The following ACO2 variants were observed in gnomAD, a reference collection of about 807,000 sequenced individuals.
ACO2 encodes the protein aconitate hydratase, mitochondrial.
In ACO2, 31 loss-of-function variants were observed where a neutral mutation model predicts 84.5. The ratio of observed to expected loss-of-function variants is 0.37; its 90% CI spans 0.28 to 0.50. ACO2 has a LOEUF of 0.50. Ranked by LOEUF, ACO2 falls within the 20% of genes least tolerant of loss-of-function variation. The pLI, the probability that ACO2 is intolerant of heterozygous loss-of-function variation, is 0.97. For synonymous variants in ACO2, 414 were observed against 412.7 expected, an observed-to-expected ratio of 1.00 and a Z score of -0.04; for missense variants, 685 against 1,029.3, an observed-to-expected ratio of 0.67 and a Z score of 4.58.
intron 1 of ACO2, among the ~76,000 whole-genome samples, chr22:41,498,121 C>T (rs575563852): frequency 4.6e-5 from 7 of 151,880 alleles, no homozygotes; most frequent in Admixed American, 1.3e-4. Context: ...TCTAGCCTGG[C>T]GACAGAGCAA....
chr22:41,523,622 G>A (rs1342204013), intron 11 of ACO2, among the ~76,000 whole-genome samples: 4 of 152,202 alleles, frequency 2.6e-5, no homozygotes, highest in South Asian at 2.1e-4. Flanking sequence ...TCTGGCTTAC[G>A]TGTGGTTGCA....
chr22:41,487,951 T>C (rs2066242616), intron 1 of ACO2, among the ~76,000 whole-genome samples: 1 of 152,164 alleles, frequency 6.6e-6, no homozygotes, highest in African/African-American at 2.4e-5. Context: ...TTTCAGCAAA[T>C]CCTACTATTA....
chr22:41,496,850 T>C (rs1357195855), intron 1 of ACO2, among the ~76,000 whole-genome samples: 1 of 152,130 alleles, frequency 6.6e-6, no homozygotes, highest in African/African-American at 2.4e-5. Flanking sequence ...GAATGTGGCC[T>C]GTTCTTACTG....
chr22:41,499,738 G>A lies in ACO2; in HGVS notation c.49G>A (p.Val17Met), dbSNP rs1286166018. The change falls in exon 2 of 18, where the codon GTG (valine) becomes ATG (methionine). Residue 17 changes from valine to methionine, a missense_variant. Val to Met is a conservative substitution (Grantham distance 21). Coordinates refer to ENST00000216254, the MANE Select transcript of ACO2 (RefSeq NM_001098.3). ...TTTCTTCTTGCAGAAAGCTCTGGGT[G>A]TGCGGCAGTACCATGTGGCCTCAGT... is the stretch of plus-strand genomic sequence containing the variant. ...LVTRLQKALG[V>M]RQYHVASVLC... 6.2e-7 allele frequency: 1 copy of A among 1,612,744 alleles called. No individual in the cohort carries two copies. Among genetic ancestry groups the A allele is most frequent in the Non-Finnish European group, 8.5e-7 (1 of 1,179,966 alleles).
At chr22:41,509,379 G>A (rs2146117456) in intron 3 of ACO2, among the ~76,000 whole-genome samples, 1 of 152,308 alleles carries the variant, frequency 6.6e-6, no homozygotes, top group East Asian at 1.9e-4. Context: ...TCAGGCAGGG[G>A]CCCTGCCTTC....
chr22:41,476,520 C>T (rs995038249), intron 1 of ACO2, among the ~76,000 whole-genome samples: 1 of 151,456 alleles, frequency 6.6e-6, no homozygotes, highest in Admixed American at 6.6e-5. Context: ...CCAGCCTGAC[C>T]AACATGGTGA....
Position 41,527,932 on chromosome 22 carries a change from TCTGACCTTCG to T in ACO2, c.2125_2134del (p.Phe709ArgfsTer13), listed in dbSNP as rs763313864. ...ACCTGAAGAAACAGGGCCTGCTGCCTCTGACCTTCGCTGACCCGGCTGACTACAACAAGAT... is the reference window on the plus strand; with the variant it reads ...ACCTGAAGAAACAGGGCCTGCTGCCTCTGACCCGGCTGACTACAACAAGAT... On this transcript the variant is annotated frameshift_variant, in exon 17 of 18. Coordinates refer to ENST00000216254, the MANE Select transcript of ACO2 (RefSeq NM_001098.3). LOFTEE classifies it high-confidence loss of function. 1 of 1,614,140 alleles carries T rather than the reference TCTGACCTTCG, an allele frequency of 6.2e-7. No individual in the cohort carries two copies. Among genetic ancestry groups the T allele is most frequent in the Admixed American group, 1.7e-5 (1 of 60,012 alleles).
intron 1 of ACO2, among the ~76,000 whole-genome samples, chr22:41,484,830 A>G (rs997866045): frequency 6.7e-5 from 10 of 149,404 alleles, no homozygotes; most frequent in Non-Finnish European, 1.3e-4. Context: ...TGTGCTTGTC[A>G]TGTAGGTAGT....
Position 41,522,973 on chromosome 22 carries a change from G to C in ACO2, c.1282G>C (p.Glu428Gln). The change falls in exon 10 of 18, where the codon GAG becomes CAG. Residue 428 changes from glutamate to glutamine, a missense_variant. Coordinates refer to ENST00000216254, the MANE Select transcript of ACO2 (RefSeq NM_001098.3). Reference protein sequence around the residue: ...PGSEQIRATIERDGYAQILRD... With the variant: ...PGSEQIRATIQRDGYAQILRD... ...TTCCGAGCAGATCCGCGCCACCATT[G>C]AGCGGGACGGCTATGTGAGTGCCCA... is the stretch of plus-strand genomic sequence containing the variant. 6.2e-7 allele frequency: 1 copy of C among 1,614,160 alleles called. No individual in the cohort carries two copies. The highest frequency in any genetic ancestry group is 8.5e-7 in the Non-Finnish European group (1 of 1,180,030).
Position 41,516,513 on chromosome 22 carries a change from C to T in ACO2, c.835+596C>T, listed in dbSNP as rs117497017. Among the ~76,000 whole-genome samples the T allele has an allele frequency of 2.7e-3, 405 of 152,282 alleles. 2 individuals are homozygous for T. Among genetic ancestry groups the T allele is most frequent in the Non-Finnish European group, 3.9e-3 (262 of 68,004 alleles). ...ACTTCCCAGGTGCCTGCCTGGGCTC[C>T]CTGGCAGCCCTGCAGAACTCTGGTT... On this transcript the variant is annotated intron_variant, in intron 6 of 17. Transcript: ENST00000216254.
intron 1 of ACO2, among the ~76,000 whole-genome samples, chr22:41,494,529 A>G (rs1445935307): frequency 6.7e-6 from 1 of 149,700 alleles, no homozygotes; most frequent in African/African-American, 2.5e-5. Flanking sequence ...CTCCTGCCTC[A>G]GCCTCCTGAG....
intron 2 of ACO2, among the ~76,000 whole-genome samples, chr22:41,507,001 G>A (rs973606319): frequency 4.6e-5 from 7 of 151,996 alleles, no homozygotes; most frequent in Admixed American, 3.3e-4. Context: ...GGAGGCTTGT[G>A]GGGAGAAGAC....
chr22:41,482,677 G>A (rs770306393), intron 1 of ACO2, among the ~76,000 whole-genome samples: 3 of 152,168 alleles, frequency 2.0e-5, no homozygotes, highest in Non-Finnish European at 2.9e-5. Flanking sequence ...CATTTGATCT[G>A]GTTCCAAAGG....
chr22:41,478,480 G>A (rs2038046776), intron 1 of ACO2, among the ~76,000 whole-genome samples: 1 of 152,272 alleles, frequency 6.6e-6, no homozygotes, highest in African/African-American at 2.4e-5. Context: ...AAAGAGTTGG[G>A]GGAAGAGGTA....
Position 41,525,202 on chromosome 22 carries a change from C to T in ACO2, c.1615C>T (p.Pro539Ser). The change falls in exon 14 of 18, where the codon CCA (proline) becomes TCA (serine). Residue 539 changes from proline to serine, a missense_variant. Physicochemically the swap from Pro to Ser is moderately conservative, Grantham distance 74 (BLOSUM62 -1). Transcript: ENST00000216254. ...CCATTCCCTGCTGCAGGAGTTTGAC[C>T]CAGGGCAGGACACCTACCAGCACCC... ...ADELPKGEFD[P>S]GQDTYQHPPK... 1.2e-6 allele frequency: 2 copies of T among 1,613,924 alleles called. No individual in the cohort carries two copies. Among genetic ancestry groups the T allele is most frequent in the Non-Finnish European group, 1.7e-6 (2 of 1,179,890 alleles).
intron 1 of ACO2, among the ~76,000 whole-genome samples, chr22:41,486,279 G>A (rs967955757): frequency 1.3e-5 from 2 of 152,018 alleles, no homozygotes; most frequent in East Asian, 3.9e-4. Flanking sequence ...GAGGGTACAC[G>A]ATAAGCTACT....
chr22:41,492,679 A>G (rs1258518421), intron 1 of ACO2, among the ~76,000 whole-genome samples: 1 of 152,160 alleles, frequency 6.6e-6, no homozygotes, highest in Non-Finnish European at 1.5e-5. Context: ...AGGCTGAGGC[A>G]GGAGACTCGC....
At chr22:41,501,021 T>C (rs1232898381) in intron 2 of ACO2, among the ~76,000 whole-genome samples, 1 of 151,916 alleles carries the variant, frequency 6.6e-6, no homozygotes, top group Non-Finnish European at 1.5e-5. Context: ...TTTTTTTTTT[T>C]GAGACAGGGT....
intron 1 of ACO2, among the ~76,000 whole-genome samples, chr22:41,496,719 G>A (rs1193360570): frequency 6.6e-6 from 1 of 152,176 alleles, no homozygotes; most frequent in African/African-American, 2.4e-5. Context: ...TACCCAGTGA[G>A]GCAGGCAGTG....
Sources: allele counts gnomAD v4.1 joint callset (sites outside exome capture counted in the v4.1 genomes callset), GRCh38; gene constraint gnomAD v4.1.1; transcripts MANE v1.5; gene names NCBI Gene and HGNC (gene_info 2026-07-23, HGNC 2026-07-21).